Variants in NAV2 observed in about 807,000 individuals in gnomAD.
The protein encoded by NAV2 is neuron navigator 2, also known as helicase, APC down-regulated 1.
Under a neutral mutation model 223.2 loss-of-function variants are expected in NAV2, and 54 were observed. The observed-to-expected ratio is 0.24, with a 90% CI of 0.19 to 0.30. The LOEUF is 0.30. Ranked by LOEUF, NAV2 falls within the 10% of genes least tolerant of loss-of-function variation. The probability of loss-of-function intolerance (pLI) is 1.00; values close to 1 mark genes in which losing one functional copy is unlikely to be tolerated. For synonymous variants in NAV2, 1,279 were observed against 1,239.3 expected, an observed-to-expected ratio of 1.03 and a Z score of -0.67; for missense variants, 2,806 against 3,147.5, an observed-to-expected ratio of 0.89 and a Z score of 2.60.
chr11:19,533,700 A>C, intron 1 of NAV2, among the ~76,000 whole-genome samples: 6 of 139,002 alleles, frequency 4.3e-5, no homozygotes, highest in Admixed American at 6.9e-5. Context: ...CCCCTCTGGG[A>C]ACTATCTTTT....
intron 1 of NAV2, among the ~76,000 whole-genome samples, chr11:19,681,651 C>A (rs565138026): frequency 1.1e-4 from 16 of 152,328 alleles, no homozygotes; most frequent in South Asian, 4.1e-4. Flanking sequence ...CAATAGCCTG[C>A]AGTTCTGGGA....
At chr11:19,931,987 A>G (rs1168903120) in intron 6 of NAV2, among the ~76,000 whole-genome samples, 1 of 152,158 alleles carries the variant, frequency 6.6e-6, no homozygotes, top group Non-Finnish European at 1.5e-5. Flanking sequence ...CATCCGGGGC[A>G]CTGACTGAAG....
chr11:19,521,019 T>C (rs1021178500), intron 1 of NAV2, among the ~76,000 whole-genome samples: 35 of 152,204 alleles, frequency 2.3e-4, no homozygotes, highest in African/African-American at 8.4e-4. Context: ...AGAAGGCCCA[T>C]GCGCCTGCCT....
upstream of NAV2, chr11:19,711,078 G>A (rs2049851290): frequency 6.6e-6 from 1 of 152,240 alleles, no homozygotes; most frequent in African/African-American, 2.4e-5. Flanking sequence ...TGAATGATGT[G>A]TGACTTGATT....
chr11:19,501,334 A>T (rs2042957021), intron 1 of NAV2, among the ~76,000 whole-genome samples: 1 of 152,122 alleles, frequency 6.6e-6, no homozygotes. Context: ...TCTTTGCAGG[A>T]CCACTATTCT....
intron 6 of NAV2, among the ~76,000 whole-genome samples, chr11:19,919,418 CAGTG>C (rs768794265): frequency 1.3e-5 from 2 of 152,188 alleles, no homozygotes; most frequent in African/African-American, 2.4e-5. Flanking sequence ...CCACTCCAGA[CAGTG>C]AGAACTGTGT....
intron 7 of NAV2, among the ~76,000 whole-genome samples, chr11:19,937,524 C>T (rs572086201): frequency 1.3e-5 from 2 of 152,304 alleles, no homozygotes; most frequent in South Asian, 4.1e-4. Flanking sequence ...TTGTGTGTCA[C>T]ATCACCTTTC....
intron 1 of NAV2, among the ~76,000 whole-genome samples, chr11:19,379,617 T>A (rs1038705442): frequency 6.6e-5 from 10 of 152,172 alleles, no homozygotes; most frequent in Admixed American, 6.5e-4. Context: ...CTTGGCCACA[T>A]CCGCTGCCCT....
intron 24 of NAV2, 55 bp downstream of exon 24, chr11:20,078,159 T>A: frequency 8.2e-7 from 1 of 1,217,056 alleles, no homozygotes; most frequent in Non-Finnish European, 1.2e-6. Context: ...TTAGGAGCCC[T>A]CCCCTGACAT....
At chr11:19,884,201 C>A in intron 5 of NAV2, 2 of 881,748 alleles carry the variant, frequency 2.3e-6, no homozygotes, top group Non-Finnish European at 3.7e-6. Context: ...ACAGCAACAT[C>A]CCCATTGTCA....
upstream of NAV2, among the ~76,000 whole-genome samples, chr11:19,347,014 G>A (rs1214828576): frequency 3.9e-5 from 6 of 152,174 alleles, no homozygotes; most frequent in Admixed American, 6.5e-5. Context: ...AGATGAAACA[G>A]GTCAGGCCCC....
At chr11:19,567,493 T>A (rs2045304175) in intron 1 of NAV2, among the ~76,000 whole-genome samples, 1 of 152,108 alleles carries the variant, frequency 6.6e-6, no homozygotes, top group South Asian at 2.1e-4. Flanking sequence ...TCCAGAGAGG[T>A]TGAGTGATTT....
chr11:19,539,431 T>A (rs1435100330), intron 1 of NAV2, among the ~76,000 whole-genome samples: 2 of 152,248 alleles, frequency 1.3e-5, no homozygotes, highest in African/African-American at 4.8e-5. Context: ...CTCAGGCTTG[T>A]GTTTTTTTCT....
chr11:19,982,468 G>T (rs1357371566), intron 10 of NAV2, among the ~76,000 whole-genome samples: 1 of 151,982 alleles, frequency 6.6e-6, no homozygotes, highest in African/African-American at 2.4e-5. Flanking sequence ...ACAATTTGAT[G>T]GTTTTTAATG....
intron 6 of NAV2, among the ~76,000 whole-genome samples, chr11:19,920,258 A>G (rs2153228385): frequency 6.6e-6 from 1 of 152,344 alleles, no homozygotes; most frequent in Non-Finnish European, 1.5e-5. Flanking sequence ...TACTTGCATG[A>G]ATTAATGAAA....
intron 22 of NAV2, among the ~76,000 whole-genome samples, chr11:20,074,542 C>A (rs1385887184): frequency 1.3e-5 from 2 of 152,046 alleles, no homozygotes; most frequent in African/African-American, 2.4e-5. Context: ...GTGTTAAAGT[C>A]TCCCACTGTT....
At chr11:19,649,048 C>A (rs572740591) in intron 1 of NAV2, among the ~76,000 whole-genome samples, 1 of 152,088 alleles carries the variant, frequency 6.6e-6, no homozygotes. Flanking sequence ...AATTTGTTTT[C>A]GTGGCTCTAT....
At chr11:20,007,470 C>G (rs1475341896) in intron 11 of NAV2, among the ~76,000 whole-genome samples, 1 of 152,202 alleles carries the variant, frequency 6.6e-6, no homozygotes, top group Non-Finnish European at 1.5e-5. Flanking sequence ...CTCATCTCTC[C>G]ACATTGATTG....
intron 1 of NAV2, among the ~76,000 whole-genome samples, chr11:19,795,141 C>T (rs2152744114): frequency 6.6e-6 from 1 of 152,246 alleles, no homozygotes; most frequent in African/African-American, 2.4e-5. Context: ...TAACAGTTTT[C>T]CTGTAAGACC....
Sources: allele counts gnomAD v4.1 joint callset (sites outside exome capture counted in the v4.1 genomes callset), GRCh38; gene constraint gnomAD v4.1.1; transcripts MANE v1.5; gene names NCBI Gene and HGNC (gene_info 2026-07-23, HGNC 2026-07-21).